Variants in NRXN3 observed in about 807,000 individuals in gnomAD.
NRXN3 encodes the protein neurexin III.
In NRXN3, 32 loss-of-function variants were observed where a neutral mutation model predicts 137.6. That is an observed-to-expected ratio of 0.23 (90% CI 0.18 to 0.31). The LOEUF (loss-of-function observed/expected upper bound fraction) is 0.31. Ranked by LOEUF, NRXN3 falls within the 10% of genes least tolerant of loss-of-function variation. The pLI, the probability that NRXN3 is intolerant of heterozygous loss-of-function variation, is 1.00. For synonymous variants in NRXN3, 798 were observed against 784.5 expected (o/e 1.02, Z -0.29); for missense variants, 1,574 against 2,062.5 (o/e 0.76, Z 4.59).
intron 16 of NRXN3, among the ~76,000 whole-genome samples, chr14:79,649,286 A>G (rs909775577): frequency 6.6e-6 from 1 of 152,160 alleles, no homozygotes; most frequent in Non-Finnish European, 1.5e-5. Context: ...GCCTCTGGCC[A>G]GGATCCGGGG....
At chr14:79,508,584 G>T (rs1464840076) in intron 16 of NRXN3, among the ~76,000 whole-genome samples, 2 of 151,118 alleles carry the variant, frequency 1.3e-5, no homozygotes, top group Admixed American at 6.6e-5. Context: ...TAGAGATGGG[G>T]TTTCACCATG....
At chr14:78,613,992 A>G (rs1291088370) in intron 4 of NRXN3, among the ~76,000 whole-genome samples, 1 of 152,212 alleles carries the variant, frequency 6.6e-6, no homozygotes, top group Non-Finnish European at 1.5e-5. Context: ...AAGATCATAC[A>G]ATTTTAGACT....
chr14:79,539,667 A>T (rs1233351833), intron 16 of NRXN3, among the ~76,000 whole-genome samples: 1 of 152,198 alleles, frequency 6.6e-6, no homozygotes, highest in Non-Finnish European at 1.5e-5. Flanking sequence ...GACTAGAGAA[A>T]AGATGGATAA....
chr14:78,279,116 A>G (rs1193624622), intron 3 of NRXN3, among the ~76,000 whole-genome samples: 1 of 152,230 alleles, frequency 6.6e-6, no homozygotes, highest in Admixed American at 6.5e-5. Flanking sequence ...TTTTATTCTC[A>G]GAAATGTCTT....
intron 15 of NRXN3, among the ~76,000 whole-genome samples, chr14:79,229,415 A>G (rs188425261): frequency 6.6e-6 from 1 of 152,322 alleles, no homozygotes; most frequent in Admixed American, 6.5e-5. Context: ...ACTTCAGTGT[A>G]AAGTGCCATC....
Position 79,134,713 on chromosome 14 carries a change from A to G in NRXN3, c.3262+146572A>G, listed in dbSNP as rs575800650. Among the ~76,000 whole-genome samples, 10 of 152,306 alleles carry G rather than the reference A, an allele frequency of 6.6e-5. No homozygotes were observed. In the South Asian group the frequency reaches 8.3e-4, roughly 13 times the overall value. The stretch of plus-strand genomic sequence containing the variant: ...AATTATCCTTTTGAGGAAAATATAA[A>G]GGAGTAATCCCATTATCTCTATTTT... On this transcript the variant is annotated intron_variant, in intron 15 of 20. Transcript: ENST00000335750.
chr14:78,260,963 A>G (rs1027607989), intron 2 of NRXN3, among the ~76,000 whole-genome samples: 2 of 152,188 alleles, frequency 1.3e-5, no homozygotes, highest in African/African-American at 4.8e-5. Flanking sequence ...TGGCCTAAGT[A>G]TGTTCATGTG....
intron 16 of NRXN3, among the ~76,000 whole-genome samples, chr14:79,521,805 A>T (rs1470783193): frequency 6.6e-6 from 1 of 152,142 alleles, no homozygotes; most frequent in Non-Finnish European, 1.5e-5. Context: ...CTCTGTGCTT[A>T]CCTTCAATTT....
chr14:79,287,625 G>C (rs553850609), intron 15 of NRXN3, among the ~76,000 whole-genome samples: 3 of 152,174 alleles, frequency 2.0e-5, no homozygotes, highest in African/African-American at 7.2e-5. Context: ...TTGTAGAGCA[G>C]ATAGGAGCAC....
intron 10 of NRXN3, among the ~76,000 whole-genome samples, chr14:78,905,748 A>G (rs972285778): frequency 1.3e-4 from 20 of 152,070 alleles, no homozygotes; most frequent in African/African-American, 4.6e-4. Context: ...ACTCTTCTAC[A>G]AAGCATATTA....
intron 1 of NRXN3, among the ~76,000 whole-genome samples, chr14:78,226,748 A>T (rs2053422931): frequency 6.6e-6 from 1 of 152,228 alleles, no homozygotes; most frequent in South Asian, 2.1e-4. Context: ...AATTAAAAAA[A>T]AACTTTGAAA....
At position 79,781,231 on chromosome 14, in the gene NRXN3, A is replaced by G. The variant is rs115786041; in HGVS notation, c.4015-23881A>G. On this transcript the variant is annotated intron_variant, in intron 19 of 20. Coordinates refer to ENST00000335750, the MANE Select transcript of NRXN3 (RefSeq NM_001330195.2). ...AATTCCTGATCACTAGCCAAACTATATACTACAGTTTGGTTCATCCAATTT... is the reference window on the plus strand; with the variant it reads ...AATTCCTGATCACTAGCCAAACTATGTACTACAGTTTGGTTCATCCAATTT... Among the ~76,000 whole-genome samples, 475 of 152,300 alleles carry G rather than the reference A, an allele frequency of 3.1e-3. 1 individual carries two copies. Among genetic ancestry groups the G allele is most frequent in the African/African-American group, 0.011 (464 of 41,568 alleles).
At chr14:79,454,091 G>T (rs924479568) in intron 15 of NRXN3, among the ~76,000 whole-genome samples, 1 of 143,104 alleles carries the variant, frequency 7.0e-6, no homozygotes, top group Admixed American at 6.9e-5. Context: ...ATGGAACTTT[G>T]TTTTTTTTTT....
intron 2 of NRXN3, among the ~76,000 whole-genome samples, chr14:78,265,934 G>T (rs1034517248): frequency 6.6e-6 from 1 of 152,182 alleles, no homozygotes; most frequent in Non-Finnish European, 1.5e-5. Flanking sequence ...ACCTGTGTCT[G>T]TCTTGTTCAT....
chr14:79,318,298 A>G (rs2089301053), intron 15 of NRXN3, among the ~76,000 whole-genome samples: 2 of 152,282 alleles, frequency 1.3e-5, no homozygotes, highest in African/African-American at 2.4e-5. Context: ...CCCTCGATGC[A>G]TGCAAAGGCA....
chr14:79,774,964 G>A (rs188487470), intron 19 of NRXN3, among the ~76,000 whole-genome samples: 2 of 152,194 alleles, frequency 1.3e-5, no homozygotes, highest in African/African-American at 4.8e-5. Flanking sequence ...GTAGGTGTGT[G>A]TGTGTACGTA....
At chr14:79,648,735 G>A (rs2098462576) in intron 16 of NRXN3, among the ~76,000 whole-genome samples, 1 of 152,070 alleles carries the variant, frequency 6.6e-6, no homozygotes, top group African/African-American at 2.4e-5. Flanking sequence ...GATGAGGCCA[G>A]TATGCAATGA....
At chr14:79,123,125 T>C (rs1199970741) in intron 15 of NRXN3, among the ~76,000 whole-genome samples, 1 of 152,028 alleles carries the variant, frequency 6.6e-6, no homozygotes, top group Non-Finnish European at 1.5e-5. Context: ...AATTAGAGGG[T>C]AGACTCCTCA....
chr14:79,302,060 G>A (rs916820388), intron 15 of NRXN3, among the ~76,000 whole-genome samples: 1 of 151,976 alleles, frequency 6.6e-6, no homozygotes. Flanking sequence ...ATGTCAGCAT[G>A]CATGGGTGTT....
Sources: gnomAD v4.1 joint callset for allele counts (sites outside exome capture counted in the v4.1 genomes callset) on GRCh38, gnomAD v4.1.1 for gene constraint, MANE v1.5 for transcripts, NCBI Gene and HGNC (gene_info 2026-07-23, HGNC 2026-07-21) for gene names.